Variants in KL observed in about 807,000 individuals in gnomAD.
KL encodes klotho, also known as alpha-klotho.
KL carries 62 observed loss-of-function variants against 84.2 expected under a neutral mutation model. The observed-to-expected ratio is 0.74, with a 90% CI of 0.60 to 0.91. The LOEUF is 0.91. Ranked by LOEUF, KL falls within the 40% of genes least tolerant of loss-of-function variation. The pLI is 0.00. For synonymous variants in KL, 528 were observed against 528.0 expected, an observed-to-expected ratio of 1.00 and a Z score of 0.00; for missense variants, 1,261 against 1,305.7, an observed-to-expected ratio of 0.97 and a Z score of 0.53.
At chr13:33,041,076 A>G (rs185317054) in intron 1 of KL, among the ~76,000 whole-genome samples, 2 of 152,152 alleles carry the variant, frequency 1.3e-5, no homozygotes, top group Admixed American at 6.5e-5. Flanking sequence ...CCTAGATCCT[A>G]TTTTCCACGT....
intron 1 of KL, among the ~76,000 whole-genome samples, chr13:33,032,458 A>G (rs1232718664): frequency 2.0e-5 from 3 of 152,128 alleles, no homozygotes; most frequent in Non-Finnish European, 4.4e-5. Context: ...CTGGCTGTGG[A>G]CCAGAGCATC....
At chr13:33,056,353 G>C (rs979385292) in intron 3 of KL, among the ~76,000 whole-genome samples, 1 of 152,134 alleles carries the variant, frequency 6.6e-6, no homozygotes, top group African/African-American at 2.4e-5. Flanking sequence ...TGTGAAATGG[G>C]TTGCTGTTTT....
intron 1 of KL, among the ~76,000 whole-genome samples, chr13:33,022,899 G>A (rs1870626098): frequency 6.6e-6 from 1 of 152,206 alleles, no homozygotes; most frequent in Non-Finnish European, 1.5e-5. Flanking sequence ...ATGGAATATT[G>A]CGCTTGCAGT....
intron 1 of KL, 86 bp downstream of exon 1, chr13:33,017,345 TCCC>T: frequency 7.9e-7 from 1 of 1,263,036 alleles, no homozygotes; most frequent in Non-Finnish European, 1.1e-6. Context: ...GAACTGAGTC[TCCC>T]CCAGACGAGG....
intron 3 of KL, among the ~76,000 whole-genome samples, chr13:33,057,038 A>G (rs1239630256): frequency 6.6e-6 from 1 of 152,124 alleles, no homozygotes; most frequent in Non-Finnish European, 1.5e-5. Context: ...GAGGCTGGTG[A>G]GGAAGAAGGG....
chr13:33,050,811 A>G (rs1443442635), intron 1 of KL, among the ~76,000 whole-genome samples: 3 of 152,242 alleles, frequency 2.0e-5, no homozygotes, highest in Non-Finnish European at 2.9e-5. Context: ...CCTCTGTAAA[A>G]TAATCAACTA....
intron 1 of KL, among the ~76,000 whole-genome samples, chr13:33,043,137 A>T (rs1871398771): frequency 1.3e-5 from 2 of 152,124 alleles, no homozygotes; most frequent in South Asian, 2.1e-4. Flanking sequence ...ACTGTCAAAT[A>T]GTTTTCCAAA....
intron 1 of KL, among the ~76,000 whole-genome samples, chr13:33,043,806 C>T (rs919777622): frequency 2.0e-5 from 3 of 152,102 alleles, no homozygotes; most frequent in African/African-American, 4.8e-5. Context: ...TGGACGACGT[C>T]AAAATTAAAA....
rs907105353 is a variant in KL at position 33,066,081 on chromosome 13, C to T, written c.*1895C>T. 1.7e-5 allele frequency: 3 copies of T among 172,826 alleles called. No individual in the cohort carries two copies. The highest frequency in any genetic ancestry group is 7.1e-5 in the African/African-American group (3 of 42,088). The allele number at this position is 172,826 out of a possible 1,614,324, so 10.7% of individuals were successfully genotyped here. A position where few individuals can be genotyped will look rare whatever the true frequency, so the allele number is the denominator to read the frequency against. On this transcript the variant is annotated 3_prime_UTR_variant, in exon 5 of 5. Coordinates refer to ENST00000380099, the MANE Select transcript of KL (RefSeq NM_004795.4). ...GACTGTAAAGAGAAGTAATTTTGCT[C>T]CTTGATAAAGTATTATATTAATAAT...
At chr13:33,043,228 CTTT>C (rs56697823) in intron 1 of KL, among the ~76,000 whole-genome samples, 1 of 144,880 alleles carries the variant, frequency 6.9e-6, no homozygotes, top group Non-Finnish European at 1.5e-5. Flanking sequence ...TGTTGGTAGT[CTTT>C]TTTTTTTTTT....
intron 1 of KL, among the ~76,000 whole-genome samples, chr13:33,038,028 G>T (rs973401512): frequency 6.6e-6 from 1 of 152,144 alleles, no homozygotes; most frequent in Non-Finnish European, 1.5e-5. Context: ...AACCTTAATT[G>T]TATCTGCATT....
At chr13:33,057,280 G>A (rs1351385170) in intron 3 of KL, among the ~76,000 whole-genome samples, 1 of 152,164 alleles carries the variant, frequency 6.6e-6, no homozygotes, top group Non-Finnish European at 1.5e-5. Context: ...TGCAGAACAA[G>A]AGTGGGGGTG....
intron 1 of KL, among the ~76,000 whole-genome samples, chr13:33,043,104 A>G (rs1185235003): frequency 1.3e-5 from 2 of 152,308 alleles, no homozygotes; most frequent in Non-Finnish European, 1.5e-5. Flanking sequence ...TATAGAGAAA[A>G]TCTATCTTTA....
At chr13:33,049,109 G>A (rs1039642736) in intron 1 of KL, among the ~76,000 whole-genome samples, 1 of 152,116 alleles carries the variant, frequency 6.6e-6, no homozygotes, top group Non-Finnish European at 1.5e-5. Context: ...CACATTATGA[G>A]ATAATATGGT....
intron 1 of KL, among the ~76,000 whole-genome samples, chr13:33,024,628 G>A (rs144177317): frequency 3.4e-4 from 52 of 152,352 alleles, no homozygotes; most frequent in African/African-American, 1.3e-3. Context: ...GGGCATGGGA[G>A]GCAAGCCCGT....
At chr13:33,021,150 G>T (rs927374349) in intron 1 of KL, among the ~76,000 whole-genome samples, 1 of 152,144 alleles carries the variant, frequency 6.6e-6, no homozygotes. Flanking sequence ...CTGGTTTACC[G>T]AATAGCCTGA....
rs776544476 is a variant in KL, at chr13:33,016,642, G to T, written c.202G>T (p.Ala68Ser). ...CACCTTCCCCGACGGCTTCCTCTGGGCCGTGGGCAGCGCCGCCTACCAGAC... is the reference window on the plus strand; with the variant it reads ...CACCTTCCCCGACGGCTTCCTCTGGTCCGTGGGCAGCGCCGCCTACCAGAC... ...QGTFPDGFLW[A>S]VGSAAYQTEG... Residue 68 changes from alanine to serine, a missense_variant, in exon 1 of 5, where the codon GCC becomes TCC. Coordinates refer to ENST00000380099, the MANE Select transcript of KL (RefSeq NM_004795.4). The T allele has an allele frequency of 3.8e-6, 6 of 1,575,018 alleles. No individual in the cohort carries two copies. The Admixed American group carries it at 1.1e-4, about 28-fold the overall frequency.
In KL at chr13:33,065,359, A is replaced by G. The variant is rs1438976199; in HGVS notation, c.*1173A>G. On this transcript the variant is annotated 3_prime_UTR_variant, in exon 5 of 5. Transcript: ENST00000380099. Reference sequence around the variant, plus strand: ...TTGAACTTTCACGCTGAAACATGCTAGTGATATCTAGAAAGGGCTAATTAG... The same window carrying G: ...TTGAACTTTCACGCTGAAACATGCTGGTGATATCTAGAAAGGGCTAATTAG... 9.8e-6 allele frequency: 2 copies of G among 204,556 alleles called. No homozygotes were observed. Among genetic ancestry groups the G allele is most frequent in the Non-Finnish European group, 2.0e-5 (2 of 99,620 alleles). The allele number at this position is 204,556 out of a possible 1,614,324, so 12.7% of individuals were successfully genotyped here.
intron 1 of KL, among the ~76,000 whole-genome samples, chr13:33,049,675 A>G (rs1399520909): frequency 6.6e-6 from 1 of 152,196 alleles, no homozygotes; most frequent in African/African-American, 2.4e-5. Flanking sequence ...AGTGGGGTTC[A>G]ATGTGCCTGG....
Sources: allele counts gnomAD v4.1 joint callset (sites outside exome capture counted in the v4.1 genomes callset), GRCh38; gene constraint gnomAD v4.1.1; transcripts MANE v1.5; gene names NCBI Gene and HGNC (gene_info 2026-07-23, HGNC 2026-07-21).